The following CMSS1 variants were observed in gnomAD, a reference collection of about 807,000 sequenced individuals.
CMSS1 encodes the protein cms1 ribosomal small subunit homolog.
Under a neutral mutation model 43.5 loss-of-function variants are expected in CMSS1, and 33 were observed. That is an observed-to-expected ratio of 0.76 (90% CI 0.57 to 1.01). The LOEUF (loss-of-function observed/expected upper bound fraction) is 1.01, where lower values mean the gene tolerates loss of function less well. Ranked by LOEUF, CMSS1 falls within the 50% of genes least tolerant of loss-of-function variation. The pLI is 0.00. For synonymous variants in CMSS1, 115 were observed against 117.2 expected, an observed-to-expected ratio of 0.98 and a Z score of 0.12; for missense variants, 313 against 326.4, an observed-to-expected ratio of 0.96 and a Z score of 0.32.
chr3:100,087,582 T>C (rs1018758439), intron 1 of CMSS1, among the ~76,000 whole-genome samples: 3 of 152,158 alleles, frequency 2.0e-5, no homozygotes, highest in African/African-American at 7.2e-5. Flanking sequence ...TTTAATTGTT[T>C]TCTTATTATT....
At chr3:100,024,428 C>T (rs190187573) in intron 1 of CMSS1, among the ~76,000 whole-genome samples, 2 of 152,176 alleles carry the variant, frequency 1.3e-5, no homozygotes, top group Non-Finnish European at 2.9e-5. Context: ...AATTGTTTTC[C>T]TGTCTTCCAC....
At chr3:99,908,683 T>C (rs1706697734) in intron 1 of CMSS1, among the ~76,000 whole-genome samples, 1 of 152,218 alleles carries the variant, frequency 6.6e-6, no homozygotes, top group African/African-American at 2.4e-5. Flanking sequence ...TATTACCTCC[T>C]TTAAAAGGTT....
At chr3:100,114,857 A>T in intron 1 of CMSS1, 1 of 905,382 alleles carries the variant, frequency 1.1e-6, no homozygotes, top group African/African-American at 1.7e-5. Flanking sequence ...TGACACCCAT[A>T]ACCCAAGGCA....
intron 1 of CMSS1, among the ~76,000 whole-genome samples, chr3:100,120,448 T>C (rs1369633181): frequency 1.3e-5 from 2 of 152,172 alleles, no homozygotes; most frequent in Non-Finnish European, 2.9e-5. Context: ...CACAGGAAAA[T>C]ACACGAGTTA....
At chr3:100,127,264 C>A (rs935715573) in intron 1 of CMSS1, among the ~76,000 whole-genome samples, 1 of 152,160 alleles carries the variant, frequency 6.6e-6, no homozygotes, top group Non-Finnish European at 1.5e-5. Context: ...TTCTCCATTG[C>A]CAAACCCTTG....
intron 1 of CMSS1, among the ~76,000 whole-genome samples, chr3:99,885,384 T>A (rs1203185347): frequency 6.6e-6 from 1 of 152,236 alleles, no homozygotes; most frequent in Non-Finnish European, 1.5e-5. Context: ...TACAAACTTA[T>A]CTTATTATTG....
At chr3:100,080,837 T>A (rs1339519365) in intron 1 of CMSS1, among the ~76,000 whole-genome samples, 1 of 152,214 alleles carries the variant, frequency 6.6e-6, no homozygotes, top group East Asian at 1.9e-4. Flanking sequence ...TCTTGCATAG[T>A]CCTATTTTAG....
At chr3:99,973,503 AT>A (rs1443356294) in intron 1 of CMSS1, among the ~76,000 whole-genome samples, 1 of 151,814 alleles carries the variant, frequency 6.6e-6, no homozygotes, top group Non-Finnish European at 1.5e-5. Context: ...TTTTTTCCTT[AT>A]TTTGAAAGTT....
intron 2 of CMSS1, among the ~76,000 whole-genome samples, chr3:100,157,456 G>A (rs1355265438): frequency 1.3e-5 from 2 of 152,202 alleles, no homozygotes; most frequent in Non-Finnish European, 1.5e-5. Context: ...TCTTATTGAA[G>A]AGAGATACAC....
chr3:100,000,261 A>C (rs1037245456), intron 1 of CMSS1, among the ~76,000 whole-genome samples: 5 of 152,206 alleles, frequency 3.3e-5, no homozygotes, highest in African/African-American at 1.2e-4. Context: ...TTTTGTAGGA[A>C]AAAAGTCATC....
At chr3:99,960,093 C>T (rs1424978644) in intron 1 of CMSS1, among the ~76,000 whole-genome samples, 1 of 152,118 alleles carries the variant, frequency 6.6e-6, no homozygotes, top group Non-Finnish European at 1.5e-5. Context: ...ACGATTGGCT[C>T]CATCCCGACC....
chr3:100,091,805 T>C (rs2066115000), intron 1 of CMSS1, among the ~76,000 whole-genome samples: 1 of 152,256 alleles, frequency 6.6e-6, no homozygotes, highest in Non-Finnish European at 1.5e-5. Context: ...CAGGATTATT[T>C]GCTCAGCGTC....
intron 1 of CMSS1, among the ~76,000 whole-genome samples, chr3:99,932,395 A>G (rs751993978): frequency 7.3e-5 from 11 of 151,586 alleles, no homozygotes; most frequent in Non-Finnish European, 1.0e-4. Flanking sequence ...TCCTTGTTCT[A>G]TTTTACTGTA....
intron 1 of CMSS1, among the ~76,000 whole-genome samples, chr3:100,024,111 T>C (rs2064876300): frequency 6.6e-6 from 1 of 152,190 alleles, no homozygotes; most frequent in Non-Finnish European, 1.5e-5. Context: ...ACACTCCGTC[T>C]TCAGCTCCTT....
intron 1 of CMSS1, among the ~76,000 whole-genome samples, chr3:100,066,077 TAGAG>T (rs1322232494): frequency 2.6e-5 from 4 of 152,194 alleles, no homozygotes; most frequent in African/African-American, 2.4e-5. Flanking sequence ...TAAGAGAACT[TAGAG>T]AGATGGTCTT....
In CMSS1 at chr3:99,911,691, C is replaced by G. The variant is rs1014821592; in HGVS notation, c.64+93648C>G. On this transcript the variant is annotated intron_variant, in intron 1 of 9. Coordinates refer to ENST00000421999, the MANE Select transcript of CMSS1 (RefSeq NM_032359.4). The stretch of plus-strand genomic sequence containing the variant: ...GGGAAACCTTCACATTCGCTCCCTG[C>G]AGAGCTAATCCATCTTTCTAATCAG... Among the ~76,000 whole-genome samples, 12 of 152,314 alleles carry G rather than the reference C, an allele frequency of 7.9e-5. No individual in the cohort carries two copies. The East Asian group carries it at 2.3e-3, about 29-fold the overall frequency.
chr3:99,903,175 G>T (rs1466985154), intron 1 of CMSS1, among the ~76,000 whole-genome samples: 1 of 152,076 alleles, frequency 6.6e-6, no homozygotes, highest in Non-Finnish European at 1.5e-5. Flanking sequence ...TAAAGTTTAA[G>T]AGAGAAGCAC....
chr3:99,918,649 G>A (rs1227969929), intron 1 of CMSS1, among the ~76,000 whole-genome samples: 1 of 152,028 alleles, frequency 6.6e-6, no homozygotes, highest in Non-Finnish European at 1.5e-5. Context: ...TATGACATCT[G>A]TTGAAAGTTA....
At chr3:99,844,425 G>A (rs1431663707) in intron 1 of CMSS1, among the ~76,000 whole-genome samples, 6 of 151,976 alleles carry the variant, frequency 3.9e-5, no homozygotes, top group Admixed American at 2.0e-4. Flanking sequence ...TTATTTGGAG[G>A]AAAAAAATCT....
Sources: gnomAD v4.1 joint callset for allele counts (sites outside exome capture counted in the v4.1 genomes callset) on GRCh38, gnomAD v4.1.1 for gene constraint, MANE v1.5 for transcripts, NCBI Gene and HGNC (gene_info 2026-07-23, HGNC 2026-07-21) for gene names.